ATIC: variants seen among roughly 807,000 people sequenced by gnomAD.
ATIC encodes 5-aminoimidazole-4-carboxamide ribonucleotide formyltransferase/IMP cyclohydrolase.
ATIC carries 64 observed loss-of-function variants against 72.5 expected under a neutral mutation model. The observed-to-expected ratio is 0.88, with a 90% CI of 0.72 to 1.09. The LOEUF (loss-of-function observed/expected upper bound fraction) is 1.09. Ranked by LOEUF, ATIC falls within the 50% of genes least tolerant of loss-of-function variation. The pLI, the probability that ATIC is intolerant of heterozygous loss-of-function variation, is 0.00. For synonymous variants in ATIC, 281 were observed against 267.1 expected (o/e 1.05, Z -0.51); for missense variants, 787 against 732.4 (o/e 1.07, Z -0.86).
chr2:215,320,578 A>T (rs1575114306), intron 4 of ATIC, among the ~76,000 whole-genome samples: 3 of 151,828 alleles, frequency 2.0e-5, no homozygotes, highest in East Asian at 2.0e-4. Flanking sequence ...TTTATTCTTA[A>T]TTTAATTTAA....
At chr2:215,330,712 CTTTTT>C (rs111990936) in intron 7 of ATIC, among the ~76,000 whole-genome samples, 2 of 140,880 alleles carry the variant, frequency 1.4e-5, no homozygotes, top group Non-Finnish European at 3.1e-5. Context: ...TTTCTCTTTT[CTTTTT>C]TTTTTTTTTG....
In ATIC at chr2:215,334,971, T is replaced by A. The variant is rs748123391; in HGVS notation, c.975T>A (p.Cys325Ter). 1 of 1,613,536 alleles carries A rather than the reference T, an allele frequency of 6.2e-7. No individual in the cohort carries two copies. Among genetic ancestry groups the A allele is most frequent in the African/African-American group, 1.3e-5 (1 of 74,918 alleles). Residue 325 changes from cysteine (C) to a stop codon, truncating the protein, a stop_gained, in exon 10 of 16, where the codon TGT becomes TGA. Coordinates refer to ENST00000236959, the MANE Select transcript of ATIC (RefSeq NM_004044.7). LOFTEE classifies it high-confidence loss of function. Reference protein sequence around the residue: ...FGDFVALSDVCDVPTAKIISR... With the variant: ...FGDFVALSDV ...ATTTTGTTGCATTGTCCGATGTTTGTGATGTACCAACTGCAAAAATTATTT... is the reference window on the plus strand; with the variant it reads ...ATTTTGTTGCATTGTCCGATGTTTGAGATGTACCAACTGCAAAAATTATTT...
At chr2:215,332,074 T>C (rs895409208) in intron 7 of ATIC, among the ~76,000 whole-genome samples, 1 of 152,038 alleles carries the variant, frequency 6.6e-6, no homozygotes, top group Admixed American at 6.6e-5. Flanking sequence ...GTTTCTCCCA[T>C]CCCTAAATCT....
chr2:215,316,848 C>T (rs372459043), intron 2 of ATIC, among the ~76,000 whole-genome samples: 1 of 152,096 alleles, frequency 6.6e-6, no homozygotes, highest in Non-Finnish European at 1.5e-5. Context: ...CTGCAACCTC[C>T]GCCTCCCGGG....
At chr2:215,361,662 C>CAAAT in the ATIC span, 3 of 1,467,062 alleles carry the variant, frequency 2.0e-6, no homozygotes, top group South Asian at 1.1e-5. Flanking sequence ...AAATTAGTGG[C>CAAAT]AAATACTGTA....
In ATIC at chr2:215,312,759, C is replaced by T. The variant is rs574591065; in HGVS notation, c.146+135C>T. On this transcript the variant is annotated intron_variant, in intron 2 of 15. Transcript: ENST00000236959. Reference sequence around the variant, plus strand: ...GTGAGGTTGGTGTAATACTTCCCCACTTTATGGGGAAAAAAAGTGAGGCTC... The same window carrying T: ...GTGAGGTTGGTGTAATACTTCCCCATTTTATGGGGAAAAAAAGTGAGGCTC... 2.9e-6 allele frequency: 4 copies of T among 1,365,592 alleles called. No individual in the cohort carries two copies. The South Asian group carries it at 3.7e-5, about 13-fold the overall frequency. 84.6% of individuals were successfully genotyped at this position (1,365,592 alleles called of 1,614,324 possible). A position where few individuals can be genotyped will look rare whatever the true frequency, so the allele number is the denominator to read the frequency against.
intron 4 of ATIC, among the ~76,000 whole-genome samples, chr2:215,320,733 C>G (rs1470939198): frequency 6.6e-6 from 1 of 152,150 alleles, no homozygotes; most frequent in African/African-American, 2.4e-5. Flanking sequence ...GCGTTTGTCA[C>G]CACGCCCAAC....
chr2:215,364,848 CTT>C, the ATIC span: 1 of 1,453,628 alleles, frequency 6.9e-7, no homozygotes, highest in Non-Finnish European at 9.4e-7. Flanking sequence ...TCTTATCTAA[CTT>C]GTAGGGAGCC....
Position 215,326,867 on chromosome 2 carries a change from T to G in ATIC, c.577T>G (p.Phe193Val). 1 of 1,614,118 alleles carries G rather than the reference T, an allele frequency of 6.2e-7. No homozygotes were observed. Residue 193 changes from phenylalanine (F) to valine (V), a missense_variant, in exon 7 of 16, where the codon TTC becomes GTC. By Grantham distance (50) the Phe-to-Val change is conservative. Coordinates refer to ENST00000236959, the MANE Select transcript of ATIC (RefSeq NM_004044.7). ...AQYDEAISDY[F>V]RKQYSKGVSQ... ...ATATGATGAAGCAATTTCAGATTATTTCAGGAAACAGTACAGCAAAGGCGT... is the reference window on the plus strand; with the variant it reads ...ATATGATGAAGCAATTTCAGATTATGTCAGGAAACAGTACAGCAAAGGCGT...
downstream of ATIC, among the ~76,000 whole-genome samples, chr2:215,354,067 G>A (rs1012377116): frequency 2.0e-5 from 3 of 150,062 alleles, no homozygotes; most frequent in South Asian, 2.2e-4. Context: ...TGTTGCCGAT[G>A]CCCAGGCTGG....
intron 12 of ATIC, among the ~76,000 whole-genome samples, chr2:215,339,814 T>G (rs2052999404): frequency 1.3e-5 from 2 of 151,994 alleles, no homozygotes; most frequent in South Asian, 4.1e-4. Context: ...TTTTTTGTAT[T>G]TTTAGTAGAG....
intron 2 of ATIC, among the ~76,000 whole-genome samples, chr2:215,317,775 C>A (rs973796447): frequency 6.6e-6 from 1 of 152,144 alleles, no homozygotes; most frequent in African/African-American, 2.4e-5. Flanking sequence ...AGCCATGAGC[C>A]ACCGTGCCCG....
In ATIC at chr2:215,336,057, C is replaced by T. The variant is rs2052950796; in HGVS notation, c.1031C>T (p.Pro344Leu). 2 of 1,612,060 alleles carry T rather than the reference C, an allele frequency of 1.2e-6. No individual in the cohort carries two copies. The highest frequency in any genetic ancestry group is 1.3e-5 in the African/African-American group (1 of 74,936). Reference sequence around the variant, plus strand: ...CAGGTATCTGATGGTATAATTGCCCCAGGATATGAAGAAGAAGCCTTGACA... The same window carrying T: ...CAGGTATCTGATGGTATAATTGCCCTAGGATATGAAGAAGAAGCCTTGACA... ...SREVSDGIIA[P>L]GYEEEALTIL... The change falls in exon 11 of 16, where the codon CCA (proline) becomes CTA (leucine). Residue 344 changes from proline (P) to leucine (L), a missense_variant. Transcript: ENST00000236959.
At chr2:215,336,159 T>G (rs551003340) in intron 11 of ATIC, 35 bp downstream of exon 11, 1 of 1,473,918 alleles carries the variant, frequency 6.8e-7, no homozygotes, top group African/African-American at 1.4e-5. Flanking sequence ...GGTAATTTGC[T>G]CTTTTATTCT....
intron 7 of ATIC, among the ~76,000 whole-genome samples, chr2:215,329,325 C>T (rs992996501): frequency 2.0e-5 from 3 of 152,178 alleles, no homozygotes; most frequent in African/African-American, 7.2e-5. Context: ...TAAAAGCCTT[C>T]ATTGTTCCTT....
Position 215,349,519 on chromosome 2 carries a change from C to T in ATIC, c.1660-17C>T, listed in dbSNP as rs1024826269. ...TTACATAAAATCGCGTTTTGAAAAT[C>T]AATATACTTCCCCCAGAGTGGTGTG... On this transcript the variant is annotated splice_polypyrimidine_tract_variant and intron_variant, in intron 15 of 15. Coordinates refer to ENST00000236959, the MANE Select transcript of ATIC (RefSeq NM_004044.7). 1.2e-6 allele frequency: 2 copies of T among 1,614,056 alleles called. No homozygotes were observed. Among genetic ancestry groups the T allele is most frequent in the Non-Finnish European group, 8.5e-7 (1 of 1,179,992 alleles).
intron 2 of ATIC, 44 bp from the exon 3 acceptor site, chr2:215,318,113 A>G (rs1559266518): frequency 1.9e-6 from 3 of 1,541,270 alleles, no homozygotes; most frequent in South Asian, 2.2e-5. Flanking sequence ...GAAAATTACA[A>G]TTCAGCCACA....
chr2:215,320,959 A>G (rs1239991885), intron 4 of ATIC, among the ~76,000 whole-genome samples: 4 of 152,168 alleles, frequency 2.6e-5, no homozygotes, highest in Admixed American at 2.0e-4. Flanking sequence ...AGCCATTCAT[A>G]AGGGATCTCC....
At chr2:215,362,354 A>C in the ATIC span, 1 of 449,286 alleles carries the variant, frequency 2.2e-6, no homozygotes, top group South Asian at 2.2e-5. Context: ...CCATCTGCTG[A>C]GGCTCATTCC....
Sources: allele counts gnomAD v4.1 joint callset (sites outside exome capture counted in the v4.1 genomes callset), GRCh38; gene constraint gnomAD v4.1.1; transcripts MANE v1.5; gene names NCBI Gene and HGNC (gene_info 2026-07-23, HGNC 2026-07-21).